The following KCMF1 variants were observed in gnomAD, a reference collection of about 807,000 sequenced individuals.
KCMF1 encodes the protein E3 ubiquitin-protein ligase KCMF1.
In KCMF1, 3 loss-of-function variants were observed where a neutral mutation model predicts 41.1. The observed-to-expected ratio is 0.07, with a 90% CI of 0.03 to 0.19. The LOEUF (loss-of-function observed/expected upper bound fraction) is 0.19, where lower values mean the gene tolerates loss of function less well. KCMF1 is among the 10% of genes least tolerant of loss of function. The pLI, the probability that KCMF1 is intolerant of heterozygous loss-of-function variation, is 1.00. For synonymous variants in KCMF1, 142 were observed against 164.5 expected (o/e 0.86, Z 1.04); for missense variants, 286 against 488.9 (o/e 0.58, Z 3.91).
rs1322711902 is a variant in KCMF1 at position 85,030,201 on chromosome 2, T to C, written c.184+2145T>C. ...TTTTTAATTGGATAATGTGTCTTTG[T>C]TATTGAATTGTAATAGTTTTTTATT... is the stretch of plus-strand genomic sequence containing the variant. On this transcript the variant is annotated intron_variant, in intron 2 of 6. Coordinates refer to ENST00000409785, the MANE Select transcript of KCMF1 (RefSeq NM_020122.5). Among the ~76,000 whole-genome samples the C allele has an allele frequency of 2.0e-5, 3 of 152,222 alleles. No individual in the cohort carries two copies. In the East Asian group the frequency reaches 5.8e-4, roughly 29 times the overall value.
chr2:85,059,337 T>G lies in KCMF1; in HGVS notation c.*5928T>G, dbSNP rs934134832. 2.6e-5 allele frequency: 4 copies of G among 152,198 alleles called. No individual in the cohort carries two copies. The highest frequency in any genetic ancestry group is 9.7e-5 in the African/African-American group (4 of 41,446). 9.4% of individuals were successfully genotyped at this position (152,198 alleles called of 1,614,324 possible). A position where few individuals can be genotyped will look rare whatever the true frequency, so the allele number is the denominator to read the frequency against. On this transcript the variant is annotated 3_prime_UTR_variant, in exon 7 of 7. Coordinates refer to ENST00000409785, the MANE Select transcript of KCMF1 (RefSeq NM_020122.5). ...AATATCACACTGACGATACAGTACTTTAGAATAAATTGCATATTGTATCAG... is the reference window on the plus strand; with the variant it reads ...AATATCACACTGACGATACAGTACTGTAGAATAAATTGCATATTGTATCAG...
intron 1 of KCMF1, among the ~76,000 whole-genome samples, chr2:84,977,715 C>G (rs1472659813): frequency 1.3e-5 from 2 of 151,938 alleles, no homozygotes; most frequent in Non-Finnish European, 2.9e-5. Flanking sequence ...GCTGCCATGC[C>G]CAGCAACTTT....
intron 5 of KCMF1, among the ~76,000 whole-genome samples, chr2:85,047,038 A>G (rs1675684076): frequency 6.6e-6 from 1 of 152,222 alleles, no homozygotes; most frequent in African/African-American, 2.4e-5. Context: ...ATGTATAGGA[A>G]AAAACATAGT....
chr2:84,985,026 A>T (rs933530349), intron 1 of KCMF1, among the ~76,000 whole-genome samples: 1 of 152,100 alleles, frequency 6.6e-6, no homozygotes, highest in African/African-American at 2.4e-5. Flanking sequence ...GGAAAAGCCT[A>T]TCTGAAGATG....
At chr2:85,008,439 C>T (rs1276500952) in intron 1 of KCMF1, among the ~76,000 whole-genome samples, 4 of 92,248 alleles carry the variant, frequency 4.3e-5, no homozygotes, top group East Asian at 5.6e-4. Flanking sequence ...ATGATATATA[C>T]ATCATATATC....
chr2:85,033,757 ACAAACCATATT>A (rs1273039527), intron 2 of KCMF1, among the ~76,000 whole-genome samples: 1 of 152,220 alleles, frequency 6.6e-6, no homozygotes, highest in African/African-American at 2.4e-5. Context: ...TTTGGTGGGG[ACAAACCATATT>A]CAAACCATAG....
chr2:85,006,856 C>T (rs2103996705), intron 1 of KCMF1, among the ~76,000 whole-genome samples: 1 of 151,746 alleles, frequency 6.6e-6, no homozygotes, highest in Non-Finnish European at 1.5e-5. Flanking sequence ...TGCCTGTAAT[C>T]CCAGCACTTA....
Position 84,973,825 on chromosome 2 carries a change from C to CTT in KCMF1, c.16+2379_16+2380dup, listed in dbSNP as rs1238178193. ...TTTCTTTCTTTTTCTTTATTTCTTT[C>CTT]TTTTTTTTTTTTTTTTTTTTTTAGC... On this transcript the variant is annotated intron_variant, in intron 1 of 6. Coordinates refer to ENST00000409785, the MANE Select transcript of KCMF1 (RefSeq NM_020122.5). Among the ~76,000 whole-genome samples the CTT allele has an allele frequency of 9.7e-3, 1,073 of 110,232 alleles. 16 individuals carry two copies. The highest frequency in any genetic ancestry group is 0.016 in the Non-Finnish European group (840 of 53,300). 72.3% of individuals were successfully genotyped at this position (110,232 alleles called of 152,430 possible).
chr2:84,976,223 T>A lies in KCMF1; in HGVS notation c.16+4756T>A, dbSNP rs79835928. ...TAACTCCTTTTTTTTTTTTTTTTTT[T>A]AAAGACAGAGTCTCGCTCTGTCGCC... is the stretch of plus-strand genomic sequence containing the variant. On this transcript the variant is annotated intron_variant, in intron 1 of 6. Transcript: ENST00000409785. Among the ~76,000 whole-genome samples the A allele has an allele frequency of 1.2e-3, 184 of 150,090 alleles. 1 individual carries two copies. The East Asian group carries it at 0.032, about 26-fold the overall frequency.
intron 1 of KCMF1, among the ~76,000 whole-genome samples, chr2:85,023,545 T>C (rs940285051): frequency 6.6e-6 from 1 of 151,812 alleles, no homozygotes; most frequent in Non-Finnish European, 1.5e-5. Flanking sequence ...ATGGTGTCGA[T>C]CTACTGACCT....
At chr2:85,022,669 AAG>A (rs1191786520) in intron 1 of KCMF1, among the ~76,000 whole-genome samples, 1 of 152,178 alleles carries the variant, frequency 6.6e-6, no homozygotes, top group Non-Finnish European at 1.5e-5. Flanking sequence ...ATAAATGCAA[AAG>A]AGAAGAATGG....
At chr2:85,008,247 G>GAT (rs1491392377) in intron 1 of KCMF1, among the ~76,000 whole-genome samples, 1 of 78,078 alleles carries the variant, frequency 1.3e-5, no homozygotes, top group African/African-American at 5.0e-5. Flanking sequence ...TATTATATAT[G>GAT]ATATATATTA....
At chr2:84,978,906 G>T (rs1034892436) in intron 1 of KCMF1, among the ~76,000 whole-genome samples, 1 of 152,006 alleles carries the variant, frequency 6.6e-6, no homozygotes, top group African/African-American at 2.4e-5. Context: ...TAGAGACAGG[G>T]TTTGTCCATG....
chr2:85,056,838 A>G lies in KCMF1; in HGVS notation c.*3429A>G, dbSNP rs147319374. The G allele has an allele frequency of 6.6e-6, 1 of 152,352 alleles. No individual in the cohort carries two copies. The highest frequency in any genetic ancestry group is 2.4e-5 in the African/African-American group (1 of 41,576). The allele number at this position is 152,352 out of a possible 1,614,324, so 9.4% of individuals were successfully genotyped here. ...ATGACATGCCTGTTTCTTAGTTTGC[A>G]TGCACAGTTTAAGGGGCACATGCAA... On this transcript the variant is annotated 3_prime_UTR_variant, in exon 7 of 7. Coordinates refer to ENST00000409785, the MANE Select transcript of KCMF1 (RefSeq NM_020122.5).
intron 2 of KCMF1, among the ~76,000 whole-genome samples, chr2:85,033,380 A>G (rs1287696170): frequency 2.6e-5 from 4 of 152,110 alleles, no homozygotes; most frequent in Non-Finnish European, 5.9e-5. Flanking sequence ...GTTTTATCTT[A>G]GTATAAGAAA....
chr2:85,003,643 C>T (rs555329557), intron 1 of KCMF1, among the ~76,000 whole-genome samples: 40 of 151,434 alleles, frequency 2.6e-4, no homozygotes, highest in Non-Finnish European at 5.4e-4. Flanking sequence ...AAATAGAAAC[C>T]GGGTCTCCCG....
At chr2:85,052,000 G>A (rs1294774576) in intron 6 of KCMF1, among the ~76,000 whole-genome samples, 2 of 152,202 alleles carry the variant, frequency 1.3e-5, no homozygotes, top group Non-Finnish European at 2.9e-5. Context: ...GCAACTGATG[G>A]TAAGGTCACA....
At chr2:85,023,257 C>G (rs1421024632) in intron 1 of KCMF1, among the ~76,000 whole-genome samples, 1 of 150,096 alleles carries the variant, frequency 6.7e-6, no homozygotes, top group Non-Finnish European at 1.5e-5. Context: ...TGCTGTGATT[C>G]ATTCTTTTTC....
intron 1 of KCMF1, among the ~76,000 whole-genome samples, chr2:85,017,208 A>G (rs570901622): frequency 2.0e-5 from 3 of 151,292 alleles, no homozygotes; most frequent in East Asian, 2.0e-4. Context: ...TTGTATTTTT[A>G]GTAGAGACGG....
Sources: allele counts gnomAD v4.1 joint callset (sites outside exome capture counted in the v4.1 genomes callset), GRCh38; gene constraint gnomAD v4.1.1; transcripts MANE v1.5; gene names NCBI Gene and HGNC (gene_info 2026-07-23, HGNC 2026-07-21).